SLC35F3: variants seen among roughly 807,000 people sequenced by gnomAD.
SLC35F3 encodes the protein solute carrier family 35 member F3, also known as putative thiamine transporter SLC35F3.
In SLC35F3, 25 loss-of-function variants were observed where a neutral mutation model predicts 49.9. The observed-to-expected ratio is 0.50, with a 90% CI of 0.37 to 0.70. The LOEUF (loss-of-function observed/expected upper bound fraction) is 0.70, where lower values mean the gene tolerates loss of function less well. SLC35F3 is among the 30% of genes least tolerant of loss of function. SLC35F3 has a pLI of 0.00. For synonymous variants in SLC35F3, 275 were observed against 265.4 expected (o/e 1.04, Z -0.35); for missense variants, 525 against 639.8 (o/e 0.82, Z 1.94).
At chr1:234,061,996 G>A (rs1664548564) in intron 2 of SLC35F3, among the ~76,000 whole-genome samples, 1 of 151,938 alleles carries the variant, frequency 6.6e-6, no homozygotes, top group African/African-American at 2.4e-5. Flanking sequence ...ATTTTTTGGA[G>A]GTATGGGTCA....
rs2102846163 is a variant in SLC35F3, at chr1:234,027,218, T to G, written c.283+121460T>G. 6.4e-6 allele frequency: 1 copy of G among 156,750 alleles called. No homozygotes were observed. Among genetic ancestry groups the G allele is most frequent in the South Asian group, 1.8e-4 (1 of 5,684 alleles). 9.7% of individuals were successfully genotyped at this position (156,750 alleles called of 1,614,324 possible). A position where few individuals can be genotyped will look rare whatever the true frequency, so the allele number is the denominator to read the frequency against. ...CTGTCTCCCACCACCACACGCTTGA[T>G]GGCCTGCATCTGGGCTGCTCACTGG... On this transcript the variant is annotated intron_variant, in intron 2 of 7. Transcript: ENST00000366618. This position sits in a 1 kb window ranked among gnomAD's most constrained non-coding sequence, Gnocchi z 4.1.
At chr1:233,922,486 CTTTTTTTT>C (rs35271789) in intron 2 of SLC35F3, among the ~76,000 whole-genome samples, 2 of 112,332 alleles carry the variant, frequency 1.8e-5, no homozygotes, top group East Asian at 2.6e-4. Flanking sequence ...TTTTGATGGC[CTTTTTTTT>C]TTTTTTTTTT....
chr1:234,237,957 G>GC (rs1483385817), intron 3 of SLC35F3, among the ~76,000 whole-genome samples: 1 of 152,076 alleles, frequency 6.6e-6, no homozygotes, highest in African/African-American at 2.4e-5. Flanking sequence ...GCCCACCTTG[G>GC]CCCCCCAAAG....
intron 2 of SLC35F3, among the ~76,000 whole-genome samples, chr1:233,952,644 C>A (rs1031297881): frequency 1.3e-5 from 2 of 152,194 alleles, no homozygotes; most frequent in African/African-American, 4.8e-5. Context: ...ACACACCACA[C>A]CCCTGCTGTG....
At chr1:234,290,264 G>A (rs1572137095) in intron 3 of SLC35F3, among the ~76,000 whole-genome samples, 1 of 152,042 alleles carries the variant, frequency 6.6e-6, no homozygotes, top group Non-Finnish European at 1.5e-5. Context: ...AGCTTCAGAA[G>A]CAAAATGAAG....
intron 2 of SLC35F3, among the ~76,000 whole-genome samples, chr1:234,194,909 G>A (rs1032949583): frequency 1.3e-5 from 2 of 152,194 alleles, no homozygotes; most frequent in Admixed American, 6.5e-5. Context: ...CAATTAGGGC[G>A]ACAGACAGAT....
intron 3 of SLC35F3, among the ~76,000 whole-genome samples, chr1:234,283,507 C>T (rs1479393663): frequency 1.3e-5 from 2 of 152,188 alleles, no homozygotes; most frequent in Non-Finnish European, 2.9e-5. Flanking sequence ...GCACTGCAAA[C>T]CAAAAGATAC....
chr1:234,076,998 G>GTTTT (rs56254338), intron 2 of SLC35F3, among the ~76,000 whole-genome samples: 1 of 91,276 alleles, frequency 1.1e-5, no homozygotes, highest in African/African-American at 4.5e-5. Flanking sequence ...TTTTTTTTTT[G>GTTTT]TTTTTTTTTT....
chr1:234,166,831 T>C (rs1666327677), intron 2 of SLC35F3, among the ~76,000 whole-genome samples: 1 of 152,216 alleles, frequency 6.6e-6, no homozygotes. Flanking sequence ...TTGTGGTTCC[T>C]TTCTCAGTTC....
At chr1:234,186,449 C>T (rs1274584846) in intron 2 of SLC35F3, among the ~76,000 whole-genome samples, 1 of 152,136 alleles carries the variant, frequency 6.6e-6, no homozygotes, top group South Asian at 2.1e-4. Flanking sequence ...TGACTTTGCC[C>T]CTCTGCTCTG....
chr1:234,151,980 C>T (rs945617145), intron 2 of SLC35F3, among the ~76,000 whole-genome samples: 23 of 142,938 alleles, frequency 1.6e-4, no homozygotes, highest in Non-Finnish European at 3.3e-4. Context: ...TATTTGTCAC[C>T]TTCTCTCCCT....
At chr1:233,944,285 T>G (rs1662478445) in intron 2 of SLC35F3, among the ~76,000 whole-genome samples, 1 of 152,212 alleles carries the variant, frequency 6.6e-6, no homozygotes, top group African/African-American at 2.4e-5. Flanking sequence ...AATAGACTGC[T>G]AGCTGTAATG....
chr1:234,031,752 C>T (rs1664066211), intron 2 of SLC35F3, among the ~76,000 whole-genome samples: 1 of 152,174 alleles, frequency 6.6e-6, no homozygotes, highest in South Asian at 2.1e-4. Flanking sequence ...CTAGTCATAT[C>T]CTGAAATTGG....
chr1:234,257,547 A>G (rs1667839472), intron 3 of SLC35F3, among the ~76,000 whole-genome samples: 3 of 152,240 alleles, frequency 2.0e-5, no homozygotes, highest in Admixed American at 2.0e-4. Context: ...ATGGACATAG[A>G]TGCCAGTGTT....
chr1:234,323,327 C>T lies in SLC35F3; in HGVS notation c.*84C>T, dbSNP rs556482304. 3 of 1,218,186 alleles carry T rather than the reference C, an allele frequency of 2.5e-6. No individual in the cohort carries two copies. In the African/African-American group the frequency reaches 4.6e-5, roughly 18 times the overall value. 75.5% of individuals were successfully genotyped at this position (1,218,186 alleles called of 1,614,324 possible). A position where few individuals can be genotyped will look rare whatever the true frequency, so the allele number is the denominator to read the frequency against. On this transcript the variant is annotated 3_prime_UTR_variant, in exon 8 of 8. Transcript: ENST00000366618. This position sits in a 1 kb window ranked among gnomAD's most constrained non-coding sequence, Gnocchi z 4.5. The stretch of plus-strand genomic sequence containing the variant: ...CCTCAGTTGGGTAAGGTGTACATAC[C>T]TGTACAGTTTTGGTCATCTGCGGTA...
At chr1:234,016,160 G>A (rs1245463370) in intron 2 of SLC35F3, among the ~76,000 whole-genome samples, 2 of 152,178 alleles carry the variant, frequency 1.3e-5, no homozygotes, top group Admixed American at 6.5e-5. Context: ...GTGTTGGTGA[G>A]GATGTAGAGA....
At chr1:233,988,499 T>A (rs1663302099) in intron 2 of SLC35F3, among the ~76,000 whole-genome samples, 1 of 152,190 alleles carries the variant, frequency 6.6e-6, no homozygotes, top group Admixed American at 6.5e-5. Flanking sequence ...TGCCTTTGCC[T>A]TCAGAAGTGC....
intron 2 of SLC35F3, among the ~76,000 whole-genome samples, chr1:233,934,918 G>C (rs1408647949): frequency 6.6e-6 from 1 of 151,258 alleles, no homozygotes; most frequent in African/African-American, 2.4e-5. Flanking sequence ...TCTAATCAGT[G>C]TATCATGTGA....
At chr1:233,986,127 A>G (rs4641353) in intron 2 of SLC35F3, among the ~76,000 whole-genome samples, 36,710 of 152,146 alleles carry the variant, frequency 0.24, 5,387 homozygotes, top group East Asian at 0.42. Context: ...TAAATCATGT[A>G]GAGTGCTTCA....
Sources: allele counts gnomAD v4.1 joint callset (sites outside exome capture counted in the v4.1 genomes callset), GRCh38; gene constraint gnomAD v4.1.1; non-coding constraint Gnocchi (gnomAD v3.1); transcripts MANE v1.5; gene names NCBI Gene and HGNC (gene_info 2026-07-23, HGNC 2026-07-21).